INSIG2: variants seen among roughly 807,000 people sequenced by gnomAD.
INSIG2 encodes the protein insulin-induced gene 2 protein.
A neutral mutation model predicts 27.2 loss-of-function variants in INSIG2; 10 were observed. The observed-to-expected ratio is 0.37, with a 90% CI of 0.23 to 0.62. The LOEUF is 0.62. INSIG2 is among the 20% of genes least tolerant of loss of function. The pLI is 0.65. For synonymous variants in INSIG2, 97 were observed against 95.8 expected (o/e 1.01, Z -0.07); for missense variants, 178 against 270.2 (o/e 0.66, Z 2.39).
intron 1 of INSIG2, among the ~76,000 whole-genome samples, chr2:118,090,508 A>T (rs547233423): frequency 6.6e-6 from 1 of 152,214 alleles, no homozygotes; most frequent in African/African-American, 2.4e-5. Context: ...ATAGGCAGCC[A>T]TACACCTGGA....
chr2:118,101,408 G>A (rs1678541052), intron 2 of INSIG2, among the ~76,000 whole-genome samples: 1 of 152,134 alleles, frequency 6.6e-6, no homozygotes, highest in South Asian at 2.1e-4. Flanking sequence ...GACATCACAT[G>A]CATAAAAATA....
chr2:118,099,687 T>C (rs749645383), intron 2 of INSIG2, among the ~76,000 whole-genome samples: 1 of 152,200 alleles, frequency 6.6e-6, no homozygotes, highest in Non-Finnish European at 1.5e-5. Flanking sequence ...GAAAATAATA[T>C]CTAATGTAAA....
In INSIG2 at chr2:118,109,809, T is replaced by A. The variant is rs757965809; in HGVS notation, c.*1487T>A. On this transcript the variant is annotated 3_prime_UTR_variant, in exon 6 of 6. Coordinates refer to ENST00000245787, the MANE Select transcript of INSIG2 (RefSeq NM_016133.4). The stretch of plus-strand genomic sequence containing the variant: ...CTAAGAGGATTTCATATTGAATATG[T>A]GTACACAATCTTAACTATCGTGGTG... The A allele has an allele frequency of 1.6e-4, 25 of 152,582 alleles. No individual in the cohort carries two copies. Among genetic ancestry groups the A allele is most frequent in the Admixed American group, 5.2e-4 (8 of 15,258 alleles). 9.5% of individuals were successfully genotyped at this position (152,582 alleles called of 1,614,324 possible). A position where few individuals can be genotyped will look rare whatever the true frequency, so the allele number is the denominator to read the frequency against.
At chr2:118,105,115 A>G (rs1678641626) in intron 3 of INSIG2, among the ~76,000 whole-genome samples, 1 of 152,136 alleles carries the variant, frequency 6.6e-6, no homozygotes, top group South Asian at 2.1e-4. Context: ...ATCTTGGCTC[A>G]CTGCAAGCTT....
At chr2:118,090,581 CT>C (rs1678201797) in intron 1 of INSIG2, among the ~76,000 whole-genome samples, 1 of 151,960 alleles carries the variant, frequency 6.6e-6, no homozygotes, top group Admixed American at 6.5e-5. Context: ...AACTTTTTTT[CT>C]TTTTGTTTAG....
Position 118,096,535 on chromosome 2 carries a change from G to T in INSIG2, c.-22G>T, listed in dbSNP as rs1290475926. The stretch of plus-strand genomic sequence containing the variant: ...GCCTTTCCATTTTTTTTTTTTTAAC[G>T]GCTTTCTGAACCTATGAAACCATGG... On this transcript the variant is annotated 5_prime_UTR_variant, in exon 2 of 6. Coordinates refer to ENST00000245787, the MANE Select transcript of INSIG2 (RefSeq NM_016133.4). 3.2e-6 allele frequency: 5 copies of T among 1,561,806 alleles called. No homozygotes were observed. Among genetic ancestry groups the T allele is most frequent in the Admixed American group, 2.1e-5 (1 of 48,154 alleles).
Position 118,108,753 on chromosome 2 carries a change from A to G in INSIG2, c.*431A>G, listed in dbSNP as rs1038488043. 6.5e-6 allele frequency: 1 copy of G among 153,590 alleles called. No individual in the cohort carries two copies. Among genetic ancestry groups the G allele is most frequent in the Non-Finnish European group, 1.5e-5 (1 of 68,798 alleles). The allele number at this position is 153,590 out of a possible 1,614,324, so 9.5% of individuals were successfully genotyped here. On this transcript the variant is annotated 3_prime_UTR_variant, in exon 6 of 6. Coordinates refer to ENST00000245787, the MANE Select transcript of INSIG2 (RefSeq NM_016133.4). Reference sequence around the variant, plus strand: ...AGAGGAAAGCCAAAAACAAACAAACAAAAAGCATATGGGGAGCTGGTATTT... The same window carrying G: ...AGAGGAAAGCCAAAAACAAACAAACGAAAAGCATATGGGGAGCTGGTATTT...
chr2:118,094,025 T>G (rs1484771894), intron 1 of INSIG2, among the ~76,000 whole-genome samples: 10 of 91,884 alleles, frequency 1.1e-4, no homozygotes, highest in African/African-American at 2.2e-4. Flanking sequence ...ATGATGATGA[T>G]GATGATGATG....
At chr2:118,103,720 GT>G (rs1382521592) in intron 3 of INSIG2, among the ~76,000 whole-genome samples, 2 of 150,286 alleles carry the variant, frequency 1.3e-5, no homozygotes, top group Non-Finnish European at 3.0e-5. Context: ...TTTGTCTTTT[GT>G]TTTTCTTAAC....
chr2:118,108,381 G>A lies in INSIG2; in HGVS notation c.*59G>A. On this transcript the variant is annotated 3_prime_UTR_variant, in exon 6 of 6. Coordinates refer to ENST00000245787, the MANE Select transcript of INSIG2 (RefSeq NM_016133.4). ...AAGATGAAAAGGATGTGAAATGGTA[G>A]ATATACCAACAAAACTTCAGACTGT... 7.5e-7 allele frequency: 1 copy of A among 1,325,516 alleles called. No homozygotes were observed. Among genetic ancestry groups the A allele is most frequent in the South Asian group, 1.2e-5 (1 of 80,322 alleles). The allele number at this position is 1,325,516 out of a possible 1,614,324, so 82.1% of individuals were successfully genotyped here. A position where few individuals can be genotyped will look rare whatever the true frequency, so the allele number is the denominator to read the frequency against.
intron 3 of INSIG2, among the ~76,000 whole-genome samples, 155 bp downstream of exon 3, chr2:118,103,476 G>A (rs1248397391): frequency 6.6e-6 from 1 of 152,166 alleles, no homozygotes; most frequent in Non-Finnish European, 1.5e-5. Context: ...CATCGGTGTA[G>A]CAGCTGTGCA....
intron 2 of INSIG2, chr2:118,102,568 G>A (rs538431338): frequency 1.3e-5 from 2 of 152,302 alleles, no homozygotes; most frequent in Non-Finnish European, 2.9e-5. Context: ...TTCCTGCTTT[G>A]ACAATATGAC....
chr2:118,099,191 G>A lies in INSIG2; in HGVS notation c.244+2391G>A, dbSNP rs141406472. 1.3e-3 allele frequency among the ~76,000 whole-genome samples: 197 copies of A among 152,316 alleles called. 4 individuals are homozygous for A. The highest frequency in any genetic ancestry group is 0.011 in the Admixed American group (162 of 15,300). The stretch of plus-strand genomic sequence containing the variant: ...TATGTTTTTGTGTATATGTGTTGGC[G>A]TGGATTTTCAAGACCTCGCTAGGGT... On this transcript the variant is annotated intron_variant, in intron 2 of 5. Transcript: ENST00000245787.
intron 5 of INSIG2, among the ~76,000 whole-genome samples, chr2:118,107,611 G>T (rs78786262): frequency 6.6e-6 from 1 of 152,168 alleles, no homozygotes; most frequent in Non-Finnish European, 1.5e-5. Flanking sequence ...AAAGGAAAAG[G>T]CTAGGGAGTG....
At chr2:118,090,932 A>C (rs953585771) in intron 1 of INSIG2, among the ~76,000 whole-genome samples, 2 of 152,160 alleles carry the variant, frequency 1.3e-5, no homozygotes, top group Admixed American at 1.3e-4. Context: ...ATTTACCAAG[A>C]TTGTTTTCGA....
chr2:118,096,331 C>T (rs1678403379), intron 1 of INSIG2, 88 bp from the exon 2 acceptor site: 10 of 400,856 alleles, frequency 2.5e-5, no homozygotes, highest in South Asian at 1.7e-4. Context: ...CTTATTTGTC[C>T]ATTTAAATTA....
At chr2:118,100,944 G>A (rs1486389866) in intron 2 of INSIG2, among the ~76,000 whole-genome samples, 1 of 152,060 alleles carries the variant, frequency 6.6e-6, no homozygotes, top group Non-Finnish European at 1.5e-5. Flanking sequence ...AGCTTTGGTA[G>A]ACTGTAACTA....
At chr2:118,089,383 A>G (rs1187690574) in intron 1 of INSIG2, among the ~76,000 whole-genome samples, 1 of 152,126 alleles carries the variant, frequency 6.6e-6, no homozygotes, top group Non-Finnish European at 1.5e-5. Context: ...CAGCTGGGCC[A>G]CTGAAACTGT....
chr2:118,103,449 C>G (rs1036174014), intron 3 of INSIG2, 128 bp downstream of exon 3: 12 of 739,682 alleles, frequency 1.6e-5, no homozygotes, highest in Non-Finnish European at 2.6e-5. Flanking sequence ...AGAAGAATGT[C>G]AACCATATTG....
Sources: gnomAD v4.1 joint callset for allele counts (sites outside exome capture counted in the v4.1 genomes callset) on GRCh38, gnomAD v4.1.1 for gene constraint, MANE v1.5 for transcripts, NCBI Gene and HGNC (gene_info 2026-07-23, HGNC 2026-07-21) for gene names.